Variants in SNX7 observed in about 807,000 individuals in gnomAD.
The protein encoded by SNX7 is sorting nexin-7.
Under a neutral mutation model 48.4 loss-of-function variants are expected in SNX7, and 35 were observed. The ratio of observed to expected loss-of-function variants is 0.72; its 90% CI spans 0.55 to 0.96. The LOEUF (loss-of-function observed/expected upper bound fraction) is 0.96. SNX7 is among the 40% of genes least tolerant of loss of function. SNX7 has a pLI of 0.00. For synonymous variants in SNX7, 190 were observed against 190.2 expected, an observed-to-expected ratio of 1.00 and a Z score of 0.01; for missense variants, 553 against 548.9, an observed-to-expected ratio of 1.01 and a Z score of -0.07.
chr1:98,688,154 A>G (rs1253176201), intron 2 of SNX7, among the ~76,000 whole-genome samples: 1 of 152,176 alleles, frequency 6.6e-6, no homozygotes, highest in Non-Finnish European at 1.5e-5. Flanking sequence ...TTTCCTGGGA[A>G]AATCTTAGTT....
At chr1:98,699,470 T>C (rs1007965457) in intron 6 of SNX7, among the ~76,000 whole-genome samples, 4 of 152,150 alleles carry the variant, frequency 2.6e-5, no homozygotes, top group African/African-American at 9.7e-5. Flanking sequence ...TTTCCAGATA[T>C]TTGGAATTTA....
intron 2 of SNX7, among the ~76,000 whole-genome samples, chr1:98,686,988 A>C (rs1408707671): frequency 2.0e-5 from 3 of 152,118 alleles, no homozygotes; most frequent in African/African-American, 7.2e-5. Context: ...GAGTTTTTCT[A>C]TTTACACATA....
chr1:98,739,357 A>G (rs968848375), intron 8 of SNX7, among the ~76,000 whole-genome samples: 9 of 152,148 alleles, frequency 5.9e-5, no homozygotes, highest in Admixed American at 1.3e-4. Context: ...AATTTATAGT[A>G]TGTAGTGCTT....
chr1:98,717,788 G>A (rs576839418), intron 7 of SNX7, among the ~76,000 whole-genome samples: 68 of 152,050 alleles, frequency 4.5e-4, no homozygotes, highest in Non-Finnish European at 8.2e-4. Flanking sequence ...CTCATAAGCA[G>A]TGTGGGTAGG....
At position 98,701,894 on chromosome 1, in the gene SNX7, T is replaced by C. The variant is rs374421350; in HGVS notation, c.1116T>C (p.Asp372=). Residue 372 remains aspartate, a synonymous_variant, in exon 7 of 9, where the codon GAT becomes GAC. Transcript: ENST00000306121. ...AAGTTTTGACCTATAAAAAGGCAGATACTGATCTGGTAAGTTTTTAAGTTT... is the reference window on the plus strand; with the variant it reads ...AAGTTTTGACCTATAAAAAGGCAGACACTGATCTGGTAAGTTTTTAAGTTT... ...KVEVLTYKKA[D]TDLLPEEIGK... is the part of the protein sequence containing the mutation. 1 of 1,606,664 alleles carries C rather than the reference T, an allele frequency of 6.2e-7. No individual in the cohort carries two copies. The highest frequency in any genetic ancestry group is 2.2e-5 in the East Asian group (1 of 44,564).
At chr1:98,751,103 G>A (rs1281881383) in intron 8 of SNX7, among the ~76,000 whole-genome samples, 1 of 152,064 alleles carries the variant, frequency 6.6e-6, no homozygotes, top group Non-Finnish European at 1.5e-5. Context: ...CACACTGTAG[G>A]ACAGAACATC....
intron 7 of SNX7, among the ~76,000 whole-genome samples, chr1:98,709,847 C>T (rs988908529): frequency 6.6e-6 from 1 of 152,050 alleles, no homozygotes; most frequent in East Asian, 1.9e-4. Flanking sequence ...TTTTTCCTTA[C>T]TCTCATGTTC....
chr1:98,702,010 T>A, intron 7 of SNX7, 107 bp downstream of exon 7: 1 of 781,958 alleles, frequency 1.3e-6, no homozygotes, highest in Non-Finnish European at 2.0e-6. Flanking sequence ...CTTATATGAT[T>A]GTTTCTAAGC....
rs542878064 is a variant in SNX7 at position 98,672,800 on chromosome 1, T to G, written c.180+10889T>G. Among the ~76,000 whole-genome samples the G allele has an allele frequency of 2.3e-3, 340 of 150,484 alleles. 2 individuals are homozygous for G. The highest frequency in any genetic ancestry group is 8.1e-3 in the African/African-American group (331 of 41,072). ...TTAGCCGGGCGCGGTGGCGGGCGCC[T>G]GTAGTCCCAGCTACTCGGGAGGCTG... On this transcript the variant is annotated intron_variant, in intron 1 of 8. Coordinates refer to ENST00000306121, the MANE Select transcript of SNX7 (RefSeq NM_015976.5).
chr1:98,666,409 A>C (rs1649539436), intron 1 of SNX7, among the ~76,000 whole-genome samples: 1 of 152,190 alleles, frequency 6.6e-6, no homozygotes, highest in Admixed American at 6.5e-5. Flanking sequence ...TACTGCCGGA[A>C]ACGTGCCAAA....
intron 7 of SNX7, among the ~76,000 whole-genome samples, chr1:98,718,179 G>T (rs1039614242): frequency 2.0e-5 from 3 of 152,038 alleles, no homozygotes; most frequent in African/African-American, 7.2e-5. Flanking sequence ...CATAGTTTTT[G>T]TCCAATGTCA....
At chr1:98,676,017 TAAAG>T (rs1650141118) in intron 1 of SNX7, among the ~76,000 whole-genome samples, 1 of 151,896 alleles carries the variant, frequency 6.6e-6, no homozygotes, top group South Asian at 2.1e-4. Context: ...ATTTGGAAAA[TAAAG>T]AAAATCACAT....
At chr1:98,675,843 T>C (rs1260812984) in intron 1 of SNX7, among the ~76,000 whole-genome samples, 1 of 152,192 alleles carries the variant, frequency 6.6e-6, no homozygotes, top group East Asian at 1.9e-4. Context: ...TATTTATCTA[T>C]GCAACCTTGT....
intron 7 of SNX7, among the ~76,000 whole-genome samples, chr1:98,732,661 G>A (rs980959299): frequency 2.6e-5 from 4 of 151,904 alleles, no homozygotes; most frequent in African/African-American, 7.3e-5. Flanking sequence ...CTTTCACATC[G>A]GTAAGTCAAG....
At chr1:98,679,674 G>A (rs1443612649) in intron 1 of SNX7, among the ~76,000 whole-genome samples, 5 of 152,192 alleles carry the variant, frequency 3.3e-5, no homozygotes, top group Non-Finnish European at 7.4e-5. Flanking sequence ...ACAGGCTCAT[G>A]CAAGTCTGAA....
chr1:98,705,890 G>A (rs1651980185), intron 7 of SNX7, among the ~76,000 whole-genome samples: 1 of 152,038 alleles, frequency 6.6e-6, no homozygotes, highest in Non-Finnish European at 1.5e-5. Flanking sequence ...GTAGGCAGAG[G>A]GTAGAATCCA....
intron 7 of SNX7, among the ~76,000 whole-genome samples, chr1:98,718,781 T>A (rs1282377279): frequency 6.6e-6 from 1 of 152,116 alleles, no homozygotes; most frequent in Admixed American, 6.6e-5. Flanking sequence ...CAATATACAT[T>A]CTGACTTTTT....
rs57705068 is a variant in SNX7 at position 98,672,930 on chromosome 1, CAAAAA to C, written c.180+11037_180+11041del. 7.6e-4 allele frequency among the ~76,000 whole-genome samples: 67 copies of C among 88,516 alleles called. 1 individual carries two copies. The highest frequency in any genetic ancestry group is 2.9e-3 in the East Asian group (7 of 2,382). 58.1% of individuals were successfully genotyped at this position (88,516 alleles called of 152,430 possible). On this transcript the variant is annotated intron_variant, in intron 1 of 8. Transcript: ENST00000306121. ...TGGGCGACAGAGCGAGACTCCGTCT[CAAAAA>C]AAAAAAAAAAAAAAAAAGAAATTAT...
intron 7 of SNX7, among the ~76,000 whole-genome samples, chr1:98,712,232 T>C (rs1652352197): frequency 6.6e-6 from 1 of 152,186 alleles, no homozygotes; most frequent in African/African-American, 2.4e-5. Flanking sequence ...CCCATATATT[T>C]TTCATGGAAT....
Sources: allele counts gnomAD v4.1 joint callset (sites outside exome capture counted in the v4.1 genomes callset), GRCh38; gene constraint gnomAD v4.1.1; transcripts MANE v1.5; gene names NCBI Gene and HGNC (gene_info 2026-07-23, HGNC 2026-07-21).